RPGRIP1L: variants seen among roughly 807,000 people sequenced by gnomAD.
The protein encoded by RPGRIP1L is RPGRIP1 like.
RPGRIP1L carries 131 observed loss-of-function variants against 160.4 expected under a neutral mutation model. The observed-to-expected ratio is 0.82, with a 90% confidence interval of 0.71 to 0.94. The LOEUF (loss-of-function observed/expected upper bound fraction) is 0.94, where lower values mean the gene tolerates loss of function less well. Ranked by LOEUF, RPGRIP1L falls within the 40% of genes least tolerant of loss-of-function variation. RPGRIP1L has a pLI of 0.00. For synonymous variants in RPGRIP1L, 510 were observed against 515.8 expected, an observed-to-expected ratio of 0.99 and a Z score of 0.15; for missense variants, 1,522 against 1,535.8, an observed-to-expected ratio of 0.99 and a Z score of 0.15.
intron 7 of RPGRIP1L, among the ~76,000 whole-genome samples, chr16:53,674,531 T>G (rs1467038060): frequency 2.0e-5 from 3 of 152,032 alleles, no homozygotes; most frequent in Non-Finnish European, 4.4e-5. Context: ...TAATCAAATA[T>G]TTTCAGGTAA....
At chr16:53,663,942 C>G (rs550050713) in intron 10 of RPGRIP1L, among the ~76,000 whole-genome samples, 1 of 152,188 alleles carries the variant, frequency 6.6e-6, no homozygotes, top group East Asian at 1.9e-4. Flanking sequence ...TGAAATATGG[C>G]ATTGTGGTCT....
chr16:53,611,106 A>C (rs1317319442), intron 24 of RPGRIP1L, 55 bp from the exon 25 acceptor site: 1 of 1,143,720 alleles, frequency 8.7e-7, no homozygotes, highest in Non-Finnish European at 1.3e-6. Flanking sequence ...AATAGGCTAC[A>C]TTAGTACCAT....
chr16:53,695,551 A>C (rs1970692244), intron 3 of RPGRIP1L: 1 of 621,218 alleles, frequency 1.6e-6, no homozygotes, highest in African/African-American at 1.8e-5. Flanking sequence ...TAGGCACAGC[A>C]TTTCTGAATA....
intron 13 of RPGRIP1L, among the ~76,000 whole-genome samples, chr16:53,657,011 G>A (rs979418722): frequency 6.6e-6 from 1 of 152,174 alleles, no homozygotes; most frequent in African/African-American, 2.4e-5. Context: ...GGAGGCCGAG[G>A]TGGGTGGATC....
At chr16:53,695,008 G>A (rs537432987) in intron 3 of RPGRIP1L, 1 of 267,596 alleles carries the variant, frequency 3.7e-6, no homozygotes, top group Non-Finnish European at 7.0e-6. Flanking sequence ...GTGGCAGAGA[G>A]ATAACAGAAT....
intron 10 of RPGRIP1L, among the ~76,000 whole-genome samples, chr16:53,662,687 T>C (rs1567853736): frequency 6.6e-6 from 1 of 152,110 alleles, no homozygotes; most frequent in Non-Finnish European, 1.5e-5. Context: ...AATATTTTTC[T>C]TATAACCCAT....
chr16:53,609,069 G>T (rs1963861149), intron 25 of RPGRIP1L, among the ~76,000 whole-genome samples: 1 of 152,060 alleles, frequency 6.6e-6, no homozygotes, highest in South Asian at 2.1e-4. Context: ...TGGGAGAGTG[G>T]GAGTCATTAT....
chr16:53,639,151 G>A (rs941828795), intron 19 of RPGRIP1L, among the ~76,000 whole-genome samples: 1 of 151,654 alleles, frequency 6.6e-6, no homozygotes, highest in African/African-American at 2.4e-5. Context: ...GTTAACAAAC[G>A]AATGTTTAGT....
At chr16:53,655,928 G>C (rs1967219133) in intron 14 of RPGRIP1L, among the ~76,000 whole-genome samples, 1 of 152,222 alleles carries the variant, frequency 6.6e-6, no homozygotes, top group Non-Finnish European at 1.5e-5. Context: ...AATCATGGTA[G>C]AAAGGAGGTT....
intron 26 of RPGRIP1L, among the ~76,000 whole-genome samples, chr16:53,602,775 G>GAA (rs398029414): frequency 8.9e-4 from 119 of 133,128 alleles, no homozygotes; most frequent in African/African-American, 2.5e-3. Context: ...ACTCCTCAAA[G>GAA]AAAAAAAAAA....
At position 53,612,719 on chromosome 16, in the gene RPGRIP1L, AT is replaced by A. The variant is rs111978555; in HGVS notation, c.3617-1669del. ...TTGATAAATTTCAATAGCTTAAATC[AT>A]TTTTTTATTGTGGTAAAATACACAT... On this transcript the variant is annotated intron_variant, in intron 24 of 26. Transcript: ENST00000647211. 1.5e-4 allele frequency among the ~76,000 whole-genome samples: 23 copies of A among 152,256 alleles called. 1 individual carries two copies. The highest frequency in any genetic ancestry group is 5.2e-4 in the Admixed American group (8 of 15,282).
intron 6 of RPGRIP1L, among the ~76,000 whole-genome samples, 156 bp from the exon 7 acceptor site, chr16:53,675,278 C>T (rs1420745754): frequency 1.3e-5 from 2 of 152,120 alleles, no homozygotes; most frequent in Non-Finnish European, 2.9e-5. Context: ...ATTATAAATG[C>T]AGGACAGATT....
chr16:53,645,490 A>G lies in RPGRIP1L; in HGVS notation c.2683+135T>C, dbSNP rs187687352. ...CTAGTAAGAAAATAATTTTTAAAAT[A>G]TAGTAATATAGGCCTAAAGTTTAAA... On this transcript the variant is annotated intron_variant, in intron 17 of 26. Coordinates refer to ENST00000647211, the MANE Select transcript of RPGRIP1L (RefSeq NM_015272.5). 178 of 675,376 alleles carry G rather than the reference A, an allele frequency of 2.6e-4. No individual in the cohort carries two copies. In the African/African-American group the frequency reaches 3.1e-3, roughly 12 times the overall value. 41.8% of individuals were successfully genotyped at this position (675,376 alleles called of 1,614,324 possible). A position where few individuals can be genotyped will look rare whatever the true frequency, so the allele number is the denominator to read the frequency against.
Position 53,683,436 on chromosome 16 carries a change from C to T in RPGRIP1L, c.776+2997G>A, listed in dbSNP as rs1392022951. On this transcript the variant is annotated intron_variant, in intron 6 of 26. Coordinates refer to ENST00000647211, the MANE Select transcript of RPGRIP1L (RefSeq NM_015272.5). ...ATATAAACCAGTTATTAGACGATAT[C>T]AAAGAACTACTGTGATTTTTGTTAG... Among the ~76,000 whole-genome samples the T allele has an allele frequency of 2.6e-5, 4 of 152,100 alleles. No individual in the cohort carries two copies. In the East Asian group the frequency reaches 7.7e-4, roughly 29 times the overall value.
chr16:53,699,386 T>TAAAAAA (rs10652484), intron 2 of RPGRIP1L, among the ~76,000 whole-genome samples: 32 of 77,158 alleles, frequency 4.1e-4, no homozygotes, highest in African/African-American at 9.5e-4. Context: ...GAATGATCAA[T>TAAAAAA]AAAAAAAAAA....
intron 17 of RPGRIP1L, among the ~76,000 whole-genome samples, chr16:53,641,896 GA>G (rs1966246801): frequency 6.6e-6 from 1 of 151,900 alleles, no homozygotes; most frequent in Non-Finnish European, 1.5e-5. Flanking sequence ...TGTCTCTAAA[GA>G]AAAATATATT....
chr16:53,648,306 A>G (rs994411734), intron 16 of RPGRIP1L, among the ~76,000 whole-genome samples: 1 of 152,122 alleles, frequency 6.6e-6, no homozygotes, highest in Non-Finnish European at 1.5e-5. Context: ...GTTCCCAGAA[A>G]GAGAATATTA....
At chr16:53,695,532 C>A in intron 3 of RPGRIP1L, 1 of 647,334 alleles carries the variant, frequency 1.5e-6, no homozygotes, top group South Asian at 1.7e-5. Flanking sequence ...ATGCCTTCCC[C>A]TCAGAAAATA....
intron 14 of RPGRIP1L, 62 bp downstream of exon 14, chr16:53,656,410 A>G: frequency 9.6e-7 from 1 of 1,046,142 alleles, no homozygotes. Flanking sequence ...GGATGACATT[A>G]TCAACTGTTA....
Sources: allele counts gnomAD v4.1 joint callset (sites outside exome capture counted in the v4.1 genomes callset), GRCh38; gene constraint gnomAD v4.1.1; transcripts MANE v1.5; gene names NCBI Gene and HGNC (gene_info 2026-07-23, HGNC 2026-07-21).